The following NKAIN3 variants were observed in gnomAD, a reference collection of about 807,000 sequenced individuals.
NKAIN3 encodes the protein sodium/potassium-transporting ATPase subunit beta-1-interacting protein 3.
NKAIN3 carries 25 observed loss-of-function variants against 30.2 expected under a neutral mutation model. The ratio of observed to expected loss-of-function variants is 0.83; its 90% CI spans 0.60 to 1.16. NKAIN3 has a LOEUF of 1.16. Ranked by LOEUF, NKAIN3 falls within the 50% of genes most tolerant of loss-of-function variation. NKAIN3 has a pLI of 0.00. For synonymous variants in NKAIN3, 91 were observed against 89.6 expected (o/e 1.02, Z -0.09); for missense variants, 225 against 254.1 (o/e 0.89, Z 0.78).
At chr8:62,850,533 G>A (rs1819860329) in intron 4 of NKAIN3, among the ~76,000 whole-genome samples, 1 of 152,128 alleles carries the variant, frequency 6.6e-6, no homozygotes, top group African/African-American at 2.4e-5. Context: ...CCTTGCCCAT[G>A]CCTATGTCCT....
chr8:62,880,945 C>G (rs541389806), intron 4 of NKAIN3, among the ~76,000 whole-genome samples: 91 of 152,288 alleles, frequency 6.0e-4, no homozygotes, highest in African/African-American at 2.1e-3. Flanking sequence ...GCACAGCTTT[C>G]CCCACCATCA....
At chr8:62,512,087 T>C (rs1032835018) in intron 1 of NKAIN3, among the ~76,000 whole-genome samples, 3 of 152,274 alleles carry the variant, frequency 2.0e-5, no homozygotes, top group Admixed American at 1.3e-4. Flanking sequence ...TTTAGCAAAA[T>C]GAACTTTCTC....
chr8:62,631,543 C>T (rs574181563), intron 3 of NKAIN3, among the ~76,000 whole-genome samples: 1 of 152,230 alleles, frequency 6.6e-6, no homozygotes, highest in East Asian at 1.9e-4. Flanking sequence ...AAAGAAAAGC[C>T]AAAATATTTA....
intron 3 of NKAIN3, among the ~76,000 whole-genome samples, chr8:62,719,438 C>G (rs1815012033): frequency 1.3e-5 from 2 of 152,152 alleles, no homozygotes; most frequent in Non-Finnish European, 1.5e-5. Flanking sequence ...GGATGCTTTT[C>G]TTGATGCTAA....
intron 3 of NKAIN3, among the ~76,000 whole-genome samples, chr8:62,737,306 A>C (rs1815706338): frequency 6.6e-6 from 1 of 152,150 alleles, no homozygotes; most frequent in South Asian, 2.1e-4. Context: ...GTGGAGAAGG[A>C]CCCTGGTGAA....
intron 4 of NKAIN3, among the ~76,000 whole-genome samples, chr8:62,809,824 G>A (rs1474385496): frequency 6.6e-6 from 1 of 152,174 alleles, no homozygotes; most frequent in Non-Finnish European, 1.5e-5. Flanking sequence ...TCACACAGCT[G>A]AGAAACGGCA....
chr8:62,823,667 G>A (rs1032274286), intron 4 of NKAIN3, among the ~76,000 whole-genome samples: 9 of 152,148 alleles, frequency 5.9e-5, no homozygotes, highest in African/African-American at 2.2e-4. Context: ...TTTCTGTTAT[G>A]CAGCTCAAGT....
intron 1 of NKAIN3, among the ~76,000 whole-genome samples, chr8:62,498,885 G>T (rs1184819585): frequency 6.6e-6 from 1 of 151,984 alleles, no homozygotes; most frequent in Non-Finnish European, 1.5e-5. Flanking sequence ...TAAGATCTTT[G>T]CCATACAATA....
chr8:62,609,711 G>C (rs1280255714), intron 3 of NKAIN3, among the ~76,000 whole-genome samples: 1 of 152,132 alleles, frequency 6.6e-6, no homozygotes, highest in African/African-American at 2.4e-5. Context: ...TCATGAGAAT[G>C]GAAGGAGTTG....
chr8:62,830,421 A>C (rs952039857), intron 4 of NKAIN3, among the ~76,000 whole-genome samples: 11 of 152,312 alleles, frequency 7.2e-5, no homozygotes, highest in African/African-American at 2.6e-4. Context: ...TAAATGGTAA[A>C]TAGCATTAAC....
intron 3 of NKAIN3, among the ~76,000 whole-genome samples, chr8:62,723,484 C>T (rs914637918): frequency 6.6e-6 from 1 of 152,030 alleles, no homozygotes; most frequent in African/African-American, 2.4e-5. Context: ...GGGAAAACAT[C>T]GTAATCAAAT....
chr8:62,254,019 A>C (rs1812190127), intron 1 of NKAIN3, among the ~76,000 whole-genome samples: 1 of 152,174 alleles, frequency 6.6e-6, no homozygotes, highest in South Asian at 2.1e-4. Context: ...TGAAACTTAA[A>C]GGTTAGTGAA....
At chr8:62,478,332 C>T (rs1323501696) in intron 1 of NKAIN3, among the ~76,000 whole-genome samples, 1 of 152,170 alleles carries the variant, frequency 6.6e-6, no homozygotes, top group Non-Finnish European at 1.5e-5. Context: ...GACTATTATG[C>T]CACTATACAA....
At chr8:62,410,642 A>G (rs748254386) in intron 1 of NKAIN3, among the ~76,000 whole-genome samples, 3 of 152,204 alleles carry the variant, frequency 2.0e-5, no homozygotes, top group Non-Finnish European at 4.4e-5. Context: ...AAAAAAGATA[A>G]GATCCAAATA....
chr8:62,517,909 T>A (rs986925143), intron 1 of NKAIN3, among the ~76,000 whole-genome samples: 5 of 150,540 alleles, frequency 3.3e-5, no homozygotes, highest in African/African-American at 1.3e-4. Flanking sequence ...TAACTAGAGC[T>A]ATACCTGTAT....
chr8:62,971,247 C>T lies in NKAIN3; in HGVS notation c.*5840C>T, dbSNP rs938763073. Among the ~76,000 whole-genome samples, 1 of 152,188 alleles carries T rather than the reference C, an allele frequency of 6.6e-6. No homozygotes were observed. Among genetic ancestry groups the T allele is most frequent in the African/African-American group, 2.4e-5 (1 of 41,450 alleles). ...GAAATACACACACTACTTCTGTTTA[C>T]ATCTCATTAGCCAAAACTTGGTCCA... On this transcript the variant is annotated 3_prime_UTR_variant, in exon 7 of 7. Transcript: ENST00000623646.
At chr8:62,372,037 A>T (rs1320821670) in intron 1 of NKAIN3, among the ~76,000 whole-genome samples, 2 of 151,780 alleles carry the variant, frequency 1.3e-5, no homozygotes, top group Non-Finnish European at 3.0e-5. Context: ...TGTGTCAGAG[A>T]TATATCTTAG....
At chr8:62,944,790 G>A (rs1409165948) in intron 5 of NKAIN3, among the ~76,000 whole-genome samples, 4 of 152,090 alleles carry the variant, frequency 2.6e-5, no homozygotes, top group African/African-American at 9.7e-5. Flanking sequence ...TGAAATATTT[G>A]TTGGAAAAGC....
At chr8:62,477,296 G>A (rs536497007) in intron 1 of NKAIN3, among the ~76,000 whole-genome samples, 3 of 152,148 alleles carry the variant, frequency 2.0e-5, no homozygotes, top group East Asian at 1.9e-4. Flanking sequence ...GTTTTTTGGA[G>A]CCCTTTGCCA....
Sources: allele counts gnomAD v4.1 joint callset (sites outside exome capture counted in the v4.1 genomes callset), GRCh38; gene constraint gnomAD v4.1.1; transcripts MANE v1.5; gene names NCBI Gene and HGNC (gene_info 2026-07-23, HGNC 2026-07-21).